ANO2: variants seen among roughly 807,000 people sequenced by gnomAD.
ANO2 encodes the protein anoctamin-2.
In ANO2, 101 loss-of-function variants were observed where a neutral mutation model predicts 124.2. The ratio of observed to expected loss-of-function variants is 0.81; its 90% CI spans 0.69 to 0.96. The LOEUF is 0.96. ANO2 is among the 40% of genes least tolerant of loss of function. The pLI is 0.00. For missense variants in ANO2, 1,293 were observed against 1,274.5 expected (o/e 1.01, Z -0.22); for synonymous variants, 486 against 482.5 (o/e 1.01, Z -0.09).
At position 5,635,399 on chromosome 12, in the gene ANO2, C is replaced by A; in HGVS notation, c.1621-52G>T. On this transcript the variant is annotated intron_variant, in intron 15 of 24. Coordinates refer to ENST00000682330, the MANE Select transcript of ANO2 (RefSeq NM_001364791.2). The surrounding 1 kb of genome is among the most constrained non-coding windows in gnomAD (Gnocchi z 5.2). ...ACATCAGCCGGCAATTACCGAGCACCTACTATTTGCTCTGCCAACAGTACC... is the reference window on the plus strand; with the variant it reads ...ACATCAGCCGGCAATTACCGAGCACATACTATTTGCTCTGCCAACAGTACC... 7.2e-7 allele frequency: 1 copy of A among 1,386,884 alleles called. No individual in the cohort carries two copies. Among genetic ancestry groups the A allele is most frequent in the Non-Finnish European group, 9.5e-7 (1 of 1,048,588 alleles). 85.9% of individuals were successfully genotyped at this position (1,386,884 alleles called of 1,614,324 possible).
chr12:5,803,036 G>A (rs1389741491), intron 9 of ANO2, among the ~76,000 whole-genome samples: 1 of 152,166 alleles, frequency 6.6e-6, no homozygotes. Flanking sequence ...ACAACCCTTT[G>A]CAATGCCAGA....
Position 5,637,837 on chromosome 12 carries a change from G to C in ANO2, c.1621-2490C>G, listed in dbSNP as rs147593869. On this transcript the variant is annotated intron_variant, in intron 15 of 24. Transcript: ENST00000682330. Reference sequence around the variant, plus strand: ...AAATCAAGCTCTGAACCTCTCGTTTGGTGTTTCCCAGAGCATCTCAAGATT... The same window carrying C: ...AAATCAAGCTCTGAACCTCTCGTTTCGTGTTTCCCAGAGCATCTCAAGATT... Among the ~76,000 whole-genome samples the C allele has an allele frequency of 3.9e-3, 598 of 152,080 alleles. 6 individuals carry two copies. Among genetic ancestry groups the C allele is most frequent in the African/African-American group, 0.013 (551 of 41,464 alleles).
At chr12:5,584,374 T>C (rs1942985415) in intron 20 of ANO2, among the ~76,000 whole-genome samples, 1 of 152,182 alleles carries the variant, frequency 6.6e-6, no homozygotes, top group South Asian at 2.1e-4. Flanking sequence ...CCTTCTGACA[T>C]TCAGTTCACT....
At chr12:5,807,171 C>A in intron 8 of ANO2, 142 bp downstream of exon 8, 1 of 649,680 alleles carries the variant, frequency 1.5e-6, no homozygotes, top group Non-Finnish European at 2.5e-6. Flanking sequence ...ATGAGTGGTC[C>A]AGGGTCAGTC....
At chr12:5,884,381 AGTCT>A (rs1340115024) in intron 3 of ANO2, among the ~76,000 whole-genome samples, 1 of 152,238 alleles carries the variant, frequency 6.6e-6, no homozygotes, top group Non-Finnish European at 1.5e-5. Flanking sequence ...CATAATTTAA[AGTCT>A]GTCCTTTCGT....
intron 3 of ANO2, among the ~76,000 whole-genome samples, chr12:5,873,563 G>A (rs1937878141): frequency 6.6e-6 from 1 of 152,240 alleles, no homozygotes. Context: ...CTTAAAGCCT[G>A]AAAGAGGCTG....
At position 5,709,724 on chromosome 12, in the gene ANO2, G is replaced by A. The variant is rs778724843; in HGVS notation, c.1545+22796C>T. ...GAGTCTATTCATATTTTCTACAAGCGACACTTTTAGGACAAATGAGTGTGT... is the reference window on the plus strand; with the variant it reads ...GAGTCTATTCATATTTTCTACAAGCAACACTTTTAGGACAAATGAGTGTGT... On this transcript the variant is annotated intron_variant, in intron 14 of 24. Coordinates refer to ENST00000682330, the MANE Select transcript of ANO2 (RefSeq NM_001364791.2). Among the ~76,000 whole-genome samples, 6 of 152,276 alleles carry A rather than the reference G, an allele frequency of 3.9e-5. No individual in the cohort carries two copies. In the South Asian group the frequency reaches 1.0e-3, roughly 26 times the overall value.
chr12:5,654,864 T>C (rs1323361244), intron 14 of ANO2, among the ~76,000 whole-genome samples: 3 of 152,174 alleles, frequency 2.0e-5, no homozygotes, highest in African/African-American at 7.2e-5. Flanking sequence ...CAGAGCCACA[T>C]AACAGTGCCT....
chr12:5,615,265 G>C lies in ANO2; in HGVS notation c.1849C>G (p.Arg617Gly). Residue 617 changes from arginine (R) to glycine (G), a missense_variant, in exon 17 of 25, where the codon CGC (arginine) becomes GGC (glycine). Transcript: ENST00000682330. Reference protein sequence around the residue: ...VPKTEQTFEERLILKAFLLKF... With the variant: ...VPKTEQTFEEGLILKAFLLKF... ...AGCAAGAAAGCTTTGAGGATCAGGC[G>C]CTCTTCAAAAGTCTGTTCTGTTTTC... The C allele has an allele frequency of 6.2e-7, 1 of 1,613,532 alleles. No individual in the cohort carries two copies. Among genetic ancestry groups the C allele is most frequent in the Non-Finnish European group, 8.5e-7 (1 of 1,179,690 alleles).
At chr12:5,873,243 CTCTGTCTG>C (rs1204998372) in intron 3 of ANO2, among the ~76,000 whole-genome samples, 3 of 132,764 alleles carry the variant, frequency 2.3e-5, no homozygotes, top group African/African-American at 8.3e-5. Flanking sequence ...CTCTCTCTCT[CTCTGTCTG>C]TCTCTCTCCC....
intron 19 of ANO2, among the ~76,000 whole-genome samples, chr12:5,602,873 G>T (rs1352408797): frequency 6.6e-6 from 1 of 152,220 alleles, no homozygotes; most frequent in East Asian, 1.9e-4. Context: ...CTGCAGAAAT[G>T]TATTTACATT....
At chr12:5,721,710 G>A (rs1395838302) in intron 14 of ANO2, among the ~76,000 whole-genome samples, 4 of 152,036 alleles carry the variant, frequency 2.6e-5, no homozygotes, top group Non-Finnish European at 4.4e-5. Context: ...GTCTTACTAC[G>A]TTGCCCACGC....
chr12:5,737,764 C>G (rs1024515735), intron 13 of ANO2, among the ~76,000 whole-genome samples: 1 of 152,192 alleles, frequency 6.6e-6, no homozygotes, highest in Non-Finnish European at 1.5e-5. Context: ...CTAGATCACC[C>G]ACATTCAAAC....
chr12:5,733,074 C>A, intron 13 of ANO2: 2 of 644,724 alleles, frequency 3.1e-6, no homozygotes, highest in East Asian at 2.7e-5. Flanking sequence ...ATGTGCCCCA[C>A]AGCTGGGAGT....
chr12:5,629,539 T>C (rs192953156), intron 16 of ANO2, among the ~76,000 whole-genome samples: 53 of 152,290 alleles, frequency 3.5e-4, no homozygotes, highest in Admixed American at 1.6e-3. Context: ...CCTCCTACCA[T>C]GCTGCAGCCC....
chr12:5,830,381 G>T, intron 6 of ANO2, 54 bp downstream of exon 6: 2 of 1,571,316 alleles, frequency 1.3e-6, no homozygotes, highest in South Asian at 1.2e-5. Flanking sequence ...TGCCAACTAG[G>T]AACTCAGCCC....
At chr12:5,685,135 T>A (rs1376143918) in intron 14 of ANO2, among the ~76,000 whole-genome samples, 1 of 152,196 alleles carries the variant, frequency 6.6e-6, no homozygotes, top group Non-Finnish European at 1.5e-5. Flanking sequence ...GCACGAGTCC[T>A]GTCCACTCCT....
chr12:5,816,926 C>G (rs1953629338), intron 7 of ANO2, among the ~76,000 whole-genome samples: 1 of 152,170 alleles, frequency 6.6e-6, no homozygotes. Flanking sequence ...CCCTCCGTTT[C>G]TCTAACATCA....
At chr12:5,690,988 A>G (rs892723202) in intron 14 of ANO2, among the ~76,000 whole-genome samples, 13 of 152,214 alleles carry the variant, frequency 8.5e-5, no homozygotes, top group Non-Finnish European at 1.8e-4. Context: ...CAGAGCCCCC[A>G]TCTCACAGGA....
Sources: gnomAD v4.1 joint callset for allele counts (sites outside exome capture counted in the v4.1 genomes callset) on GRCh38, gnomAD v4.1.1 for gene constraint, Gnocchi (gnomAD v3.1) non-coding constraint, MANE v1.5 for transcripts, NCBI Gene and HGNC (gene_info 2026-07-23, HGNC 2026-07-21) for gene names.